Variants in XRCC4 observed in about 807,000 individuals in gnomAD.
XRCC4 encodes the protein DNA repair protein XRCC4.
Under a neutral mutation model 39.1 loss-of-function variants are expected in XRCC4, and 28 were observed. That is an observed-to-expected ratio of 0.72 (90% CI 0.53 to 0.98). The LOEUF (loss-of-function observed/expected upper bound fraction) is 0.98, where lower values mean the gene tolerates loss of function less well. Ranked by LOEUF, XRCC4 falls within the 50% of genes least tolerant of loss-of-function variation. The probability of loss-of-function intolerance (pLI) is 0.00; values close to 1 mark genes in which losing one functional copy is unlikely to be tolerated. For synonymous variants in XRCC4, 123 were observed against 126.4 expected, an observed-to-expected ratio of 0.97 and a Z score of 0.18; for missense variants, 350 against 376.4, an observed-to-expected ratio of 0.93 and a Z score of 0.58.
intron 7 of XRCC4, among the ~76,000 whole-genome samples, chr5:83,323,628 T>A (rs1162585734): frequency 2.0e-5 from 3 of 152,054 alleles, no homozygotes; most frequent in Non-Finnish European, 4.4e-5. Flanking sequence ...TTAGATGTTT[T>A]TGGCCAAGTG....
At chr5:83,170,808 C>T (rs1251289878) in intron 3 of XRCC4, among the ~76,000 whole-genome samples, 2 of 152,068 alleles carry the variant, frequency 1.3e-5, no homozygotes, top group African/African-American at 2.4e-5. Flanking sequence ...CCACAATTCT[C>T]ACTCACACCT....
intron 4 of XRCC4, 78 bp from the exon 5 acceptor site, chr5:83,203,471 ATCT>A (rs1751291334): frequency 3.3e-6 from 4 of 1,216,790 alleles, no homozygotes; most frequent in Non-Finnish European, 4.4e-6. Context: ...TTTCCTTGAA[ATCT>A]TCTTGATTAT....
intron 6 of XRCC4, among the ~76,000 whole-genome samples, chr5:83,244,767 T>C (rs996331695): frequency 3.3e-5 from 5 of 152,144 alleles, no homozygotes; most frequent in Admixed American, 2.0e-4. Context: ...GAGAGAGTGG[T>C]CCTAGGGCTC....
At chr5:83,096,243 C>T (rs1210039833) in intron 1 of XRCC4, among the ~76,000 whole-genome samples, 9 of 152,064 alleles carry the variant, frequency 5.9e-5, no homozygotes, top group Admixed American at 1.3e-4. Flanking sequence ...GGTGGCAATC[C>T]CATCCCAGTG....
chr5:83,231,558 C>A (rs2112817332), intron 6 of XRCC4, among the ~76,000 whole-genome samples: 1 of 152,084 alleles, frequency 6.6e-6, no homozygotes, highest in Admixed American at 6.6e-5. Flanking sequence ...TGTTTAAATA[C>A]CATTAGTAAA....
At chr5:83,121,808 C>T (rs543689082) in intron 3 of XRCC4, among the ~76,000 whole-genome samples, 2 of 152,082 alleles carry the variant, frequency 1.3e-5, no homozygotes, top group African/African-American at 2.4e-5. Context: ...CATGCATGAG[C>T]GCTATAGTTT....
intron 7 of XRCC4, among the ~76,000 whole-genome samples, chr5:83,297,283 T>C (rs1043479979): frequency 1.3e-5 from 2 of 151,970 alleles, no homozygotes; most frequent in Non-Finnish European, 2.9e-5. Context: ...CTCTTTCATA[T>C]TGAGTGTTTG....
intron 6 of XRCC4, among the ~76,000 whole-genome samples, chr5:83,219,120 T>G (rs919375582): frequency 6.6e-6 from 1 of 152,144 alleles, no homozygotes; most frequent in African/African-American, 2.4e-5. Context: ...ACATCAAATT[T>G]TCTTCCTTCT....
At chr5:83,265,655 T>C (rs1025729479) in intron 7 of XRCC4, among the ~76,000 whole-genome samples, 1 of 152,198 alleles carries the variant, frequency 6.6e-6, no homozygotes, top group Non-Finnish European at 1.5e-5. Context: ...TTTGCCTGAA[T>C]AGATTTTTTA....
At chr5:83,213,179 A>G (rs905511604) in intron 6 of XRCC4, among the ~76,000 whole-genome samples, 19 of 152,112 alleles carry the variant, frequency 1.2e-4, no homozygotes, top group African/African-American at 4.1e-4. Flanking sequence ...TAAAGACGAA[A>G]TAAAGACATT....
intron 3 of XRCC4, among the ~76,000 whole-genome samples, chr5:83,172,769 A>G (rs996732194): frequency 1.3e-5 from 2 of 152,160 alleles, no homozygotes; most frequent in Non-Finnish European, 2.9e-5. Flanking sequence ...TGGTTCCTCT[A>G]GGTTACTCAC....
intron 6 of XRCC4, among the ~76,000 whole-genome samples, chr5:83,208,178 C>T (rs377689197): frequency 2.1e-4 from 32 of 152,042 alleles, no homozygotes; most frequent in African/African-American, 7.7e-4. Context: ...AGATCAGGAT[C>T]ATTTAGTAAT....
chr5:83,151,451 G>A (rs747023141), intron 3 of XRCC4, among the ~76,000 whole-genome samples: 1 of 152,050 alleles, frequency 6.6e-6, no homozygotes, highest in African/African-American at 2.4e-5. Flanking sequence ...TTGCAAAAAG[G>A]TTCATAGAAA....
downstream of XRCC4, among the ~76,000 whole-genome samples, chr5:83,355,035 G>GAT (rs1757174390): frequency 6.6e-6 from 1 of 152,050 alleles, no homozygotes; most frequent in South Asian, 2.1e-4. Context: ...TACAAAGTTT[G>GAT]ATATGATGGC....
chr5:83,096,605 A>G (rs962749764), intron 1 of XRCC4, among the ~76,000 whole-genome samples: 17 of 152,130 alleles, frequency 1.1e-4, no homozygotes, highest in Admixed American at 9.8e-4. Context: ...ACAGCCTCCT[A>G]CCTGAATCCC....
intron 3 of XRCC4, among the ~76,000 whole-genome samples, chr5:83,124,635 A>G (rs1747171855): frequency 6.6e-6 from 1 of 152,204 alleles, no homozygotes; most frequent in Non-Finnish European, 1.5e-5. Context: ...TTTATTTAGT[A>G]CAAGGGTTGG....
chr5:83,331,407 G>T (rs2112167247), intron 7 of XRCC4, among the ~76,000 whole-genome samples: 1 of 152,152 alleles, frequency 6.6e-6, no homozygotes, highest in East Asian at 1.9e-4. Context: ...TGGTATTGGA[G>T]AGGAATTGAT....
intron 7 of XRCC4, among the ~76,000 whole-genome samples, chr5:83,300,017 T>C (rs1202639926): frequency 1.3e-5 from 2 of 152,198 alleles, no homozygotes; most frequent in Non-Finnish European, 2.9e-5. Context: ...GAAGATGTTT[T>C]TCCTGAAAAA....
chr5:83,205,840 G>T (rs1751399022), intron 6 of XRCC4, among the ~76,000 whole-genome samples: 3 of 151,238 alleles, frequency 2.0e-5, no homozygotes, highest in Admixed American at 1.3e-4. Flanking sequence ...TATGATTTTA[G>T]CCAGACTATC....
Sources: gnomAD v4.1 joint callset for allele counts (sites outside exome capture counted in the v4.1 genomes callset) on GRCh38, gnomAD v4.1.1 for gene constraint, MANE v1.5 for transcripts, NCBI Gene and HGNC (gene_info 2026-07-23, HGNC 2026-07-21) for gene names.